Variants in MAP7D1 observed in about 807,000 individuals in gnomAD.
MAP7D1 encodes the protein MAP7 domain containing 1.
A neutral mutation model predicts 97.5 loss-of-function variants in MAP7D1; 30 were observed. The observed-to-expected ratio is 0.31, with a 90% confidence interval of 0.23 to 0.42. The LOEUF (loss-of-function observed/expected upper bound fraction) is 0.42, where lower values mean the gene tolerates loss of function less well. Ranked by LOEUF, MAP7D1 falls within the 10% of genes least tolerant of loss-of-function variation. MAP7D1 has a pLI of 1.00. For synonymous variants in MAP7D1, 536 were observed against 477.1 expected, an observed-to-expected ratio of 1.12 and a Z score of -1.61; for missense variants, 1,184 against 1,179.5, an observed-to-expected ratio of 1.00 and a Z score of -0.06.
intron 1 of MAP7D1, among the ~76,000 whole-genome samples, chr1:36,164,943 G>A (rs1644456731): frequency 6.6e-6 from 1 of 152,222 alleles, no homozygotes; most frequent in African/African-American, 2.4e-5. Context: ...GCCAGGCTCT[G>A]TTGGCCCTAG....
chr1:36,156,311 C>A lies in MAP7D1; in HGVS notation c.-107C>A. 2 of 939,032 alleles carry A rather than the reference C, an allele frequency of 2.1e-6. No homozygotes were observed. Among genetic ancestry groups the A allele is most frequent in the Non-Finnish European group, 2.9e-6 (2 of 697,866 alleles). 58.2% of individuals were successfully genotyped at this position (939,032 alleles called of 1,614,324 possible). ...CCCCCGCCTCCGAGTCGCTACTTGC[C>A]GGGCCGGGCCGGGCCGGGCGTGATG... On this transcript the variant is annotated 5_prime_UTR_variant, in exon 1 of 17. Coordinates refer to ENST00000474796, the MANE Select transcript of MAP7D1 (RefSeq NM_001388490.1).
intron 1 of MAP7D1, among the ~76,000 whole-genome samples, chr1:36,167,057 A>G (rs1263979075): frequency 6.6e-6 from 1 of 152,198 alleles, no homozygotes; most frequent in African/African-American, 2.4e-5. Context: ...CTAGACCTCA[A>G]GGGAGAGGCC....
rs972334476 is a variant in MAP7D1 at position 36,159,682 on chromosome 1, G to A, written c.46+3219G>A. 1.3e-5 allele frequency among the ~76,000 whole-genome samples: 2 copies of A among 152,168 alleles called. No individual in the cohort carries two copies. Among genetic ancestry groups the A allele is most frequent in the South Asian group, 2.1e-4 (1 of 4,836 alleles). On this transcript the variant is annotated intron_variant, in intron 1 of 16. Transcript: ENST00000474796. This position sits in a 1 kb window ranked among gnomAD's most constrained non-coding sequence, Gnocchi z 5.4. The stretch of plus-strand genomic sequence containing the variant: ...TTGACTCTTGGGGAGCTCTTAACGC[G>A]GCGAGGAAGGCAGATGTGTTCACTG...
intron 13 of MAP7D1, 55 bp downstream of exon 13, chr1:36,179,370 A>C (rs1644682631): frequency 6.2e-7 from 1 of 1,606,446 alleles, no homozygotes; most frequent in Non-Finnish European, 8.5e-7. Flanking sequence ...TGTGAAAAGG[A>C]GGCTGCGGAA....
At chr1:36,173,842 CTG>C (rs1457304706) in intron 5 of MAP7D1, among the ~76,000 whole-genome samples, 1 of 152,136 alleles carries the variant, frequency 6.6e-6, no homozygotes, top group Non-Finnish European at 1.5e-5. Flanking sequence ...ATTTTTGTCT[CTG>C]AGTTTTCTCC....
At chr1:36,174,656 A>G (rs964496738) in intron 5 of MAP7D1, among the ~76,000 whole-genome samples, 3 of 151,964 alleles carry the variant, frequency 2.0e-5, no homozygotes, top group African/African-American at 7.3e-5. Flanking sequence ...TAGTTTCTCT[A>G]GTTTTACTCA....
chr1:36,169,618 C>T (rs1236246181), intron 1 of MAP7D1, among the ~76,000 whole-genome samples: 1 of 152,148 alleles, frequency 6.6e-6, no homozygotes, highest in Non-Finnish European at 1.5e-5. Context: ...CGGCCCTGCT[C>T]CCTAAGCAAG....
intron 1 of MAP7D1, chr1:36,157,314 C>T (rs1249040917): frequency 1.3e-5 from 2 of 152,508 alleles, no homozygotes; most frequent in African/African-American, 4.8e-5. Flanking sequence ...GCCGGCACTC[C>T]CTGGACCTGC....
intron 2 of MAP7D1, 92 bp downstream of exon 2, chr1:36,171,407 G>A: frequency 6.4e-7 from 1 of 1,553,122 alleles, no homozygotes. Flanking sequence ...GTTTGCCCTA[G>A]AGGAGATAAA....
chr1:36,175,863 C>T (rs1232921200), intron 6 of MAP7D1, among the ~76,000 whole-genome samples: 1 of 152,216 alleles, frequency 6.6e-6, no homozygotes, highest in Non-Finnish European at 1.5e-5. Context: ...AGACCTTACA[C>T]TGGGACATGG....
intron 2 of MAP7D1, 61 bp from the exon 3 acceptor site, chr1:36,171,452 G>A (rs1644541923): frequency 6.3e-7 from 1 of 1,593,096 alleles, no homozygotes; most frequent in Admixed American, 1.7e-5. Flanking sequence ...GGAGGGATCT[G>A]AGGCTGACTC....
chr1:36,173,872 A>G (rs555782305), intron 5 of MAP7D1, among the ~76,000 whole-genome samples: 20 of 152,084 alleles, frequency 1.3e-4, no homozygotes, highest in African/African-American at 4.8e-4. Context: ...GCCACCATGG[A>G]TTTTGGTCTG....
chr1:36,179,036 C>CTGGGCGGGGATTTGTGGGCGGGGATTTG lies in MAP7D1; in HGVS notation c.2130+34_2130+35insATTTGTGGGCGGGGATTTGTGGGCGGGG. 2.6e-6 allele frequency: 3 copies of CTGGGCGGGGATTTGTGGGCGGGGATTTG among 1,152,120 alleles called. No individual in the cohort carries two copies. In the East Asian group the frequency reaches 1.5e-4, roughly 58 times the overall value. The allele number at this position is 1,152,120 out of a possible 1,614,324, so 71.4% of individuals were successfully genotyped here. ...CAAGAGCGCAGAAAGGTGTGCGGAC[C>CTGGGCGGGGATTTGTGGGCGGGGATTTG]TGGGCGGGGATTTGTGGGCGGGGCC... On this transcript the variant is annotated intron_variant, in intron 12 of 16. Coordinates refer to ENST00000474796, the MANE Select transcript of MAP7D1 (RefSeq NM_001388490.1).
At chr1:36,158,541 T>C (rs1317870264) in intron 1 of MAP7D1, among the ~76,000 whole-genome samples, 2 of 152,158 alleles carry the variant, frequency 1.3e-5, no homozygotes, top group South Asian at 2.1e-4. Context: ...CAGTTAGCCA[T>C]GTACTGGCTA....
At chr1:36,174,841 G>GC (rs1420626561) in intron 5 of MAP7D1, 57 bp from the exon 6 acceptor site, 4 of 1,015,882 alleles carry the variant, frequency 3.9e-6, no homozygotes, top group South Asian at 1.3e-5. Context: ...AGGCCTCGGT[G>GC]CCCCCCACTG....
At position 36,178,220 on chromosome 1, in the gene MAP7D1, G is replaced by A; in HGVS notation, c.1708+19G>A. 6.5e-7 allele frequency: 1 copy of A among 1,536,612 alleles called. No individual in the cohort carries two copies. Among genetic ancestry groups the A allele is most frequent in the South Asian group, 1.2e-5 (1 of 82,292 alleles). Reference sequence around the variant, plus strand: ...CCTACAGGTAGGAATGAAGAGAGGGGAGGGGTGGGCCGAGCGAGAGAAGCC... The same window carrying A: ...CCTACAGGTAGGAATGAAGAGAGGGAAGGGGTGGGCCGAGCGAGAGAAGCC... On this transcript the variant is annotated intron_variant, in intron 9 of 16. Transcript: ENST00000474796.
At chr1:36,165,657 T>A (rs1644464892) in intron 1 of MAP7D1, among the ~76,000 whole-genome samples, 1 of 151,506 alleles carries the variant, frequency 6.6e-6, no homozygotes, top group Non-Finnish European at 1.5e-5. Context: ...CCTTAAGGGA[T>A]CCTCCTGTCT....
intron 1 of MAP7D1, among the ~76,000 whole-genome samples, chr1:36,156,732 T>A (rs1644336505): frequency 6.6e-6 from 1 of 151,902 alleles, no homozygotes; most frequent in Non-Finnish European, 1.5e-5. Flanking sequence ...GTGACCCTTC[T>A]GCCCCAGCTT....
At chr1:36,172,309 A>G in intron 3 of MAP7D1, 155 bp from the exon 4 acceptor site, 1 of 650,752 alleles carries the variant, frequency 1.5e-6, no homozygotes. Flanking sequence ...TCTCAATTTG[A>G]GGGGGTTGTC....
Sources: gnomAD v4.1 joint callset for allele counts (sites outside exome capture counted in the v4.1 genomes callset) on GRCh38, gnomAD v4.1.1 for gene constraint, Gnocchi (gnomAD v3.1) non-coding constraint, MANE v1.5 for transcripts, NCBI Gene and HGNC (gene_info 2026-07-23, HGNC 2026-07-21) for gene names.